The following KCTD16 variants were observed in gnomAD, a reference collection of about 807,000 sequenced individuals.
KCTD16 encodes the protein potassium channel tetramerization domain containing 16, also known as BTB/POZ domain-containing protein KCTD16.
A neutral mutation model predicts 33.2 loss-of-function variants in KCTD16; 13 were observed. That is an observed-to-expected ratio of 0.39 (90% CI 0.25 to 0.62). The LOEUF (loss-of-function observed/expected upper bound fraction) is 0.62, where lower values mean the gene tolerates loss of function less well. Ranked by LOEUF, KCTD16 falls within the 20% of genes least tolerant of loss-of-function variation. The pLI, the probability that KCTD16 is intolerant of heterozygous loss-of-function variation, is 0.50. For missense variants in KCTD16, 441 were observed against 525.1 expected, an observed-to-expected ratio of 0.84 and a Z score of 1.57; for synonymous variants, 197 against 195.3, an observed-to-expected ratio of 1.01 and a Z score of -0.07.
intron 3 of KCTD16, among the ~76,000 whole-genome samples, chr5:144,470,820 G>A (rs1473484619): frequency 1.3e-5 from 2 of 152,150 alleles, no homozygotes; most frequent in Non-Finnish European, 1.5e-5. Context: ...ACATAGTGAG[G>A]GCTTCATGCA....
At chr5:144,424,963 C>G (rs1561603540) in intron 3 of KCTD16, among the ~76,000 whole-genome samples, 1 of 152,146 alleles carries the variant, frequency 6.6e-6, no homozygotes, top group African/African-American at 2.4e-5. Context: ...ACAAATACAT[C>G]TATTGTATTC....
intron 2 of KCTD16, among the ~76,000 whole-genome samples, chr5:144,195,644 G>A (rs181496381): frequency 9.2e-5 from 14 of 152,216 alleles, no homozygotes; most frequent in South Asian, 4.2e-4. Context: ...GTGCTGCAAC[G>A]GACTTACATT....
chr5:144,425,175 A>G (rs1021583866), intron 3 of KCTD16, among the ~76,000 whole-genome samples: 1 of 152,184 alleles, frequency 6.6e-6, no homozygotes, highest in African/African-American at 2.4e-5. Flanking sequence ...CACACTCTCC[A>G]AAAGGGAGAA....
intron 3 of KCTD16, among the ~76,000 whole-genome samples, chr5:144,473,209 A>G (rs1385413300): frequency 2.0e-5 from 3 of 152,140 alleles, no homozygotes; most frequent in African/African-American, 4.8e-5. Flanking sequence ...GCTATGGAAA[A>G]TTGGCCAGCT....
At chr5:144,283,415 A>G (rs1460164849) in intron 3 of KCTD16, among the ~76,000 whole-genome samples, 2 of 152,210 alleles carry the variant, frequency 1.3e-5, no homozygotes, top group Non-Finnish European at 2.9e-5. Flanking sequence ...CTTAGTTGGA[A>G]TAATCATTTC....
In KCTD16 at chr5:144,247,572, A is replaced by C. The variant is rs556475938; in HGVS notation, c.832+40026A>C. On this transcript the variant is annotated intron_variant, in intron 3 of 3. Transcript: ENST00000512467. Reference sequence around the variant, plus strand: ...GCCCATAAAATCTGTGAATATGATAAAATAGTTGTTTGAAGCTGGTTGTGG... The same window carrying C: ...GCCCATAAAATCTGTGAATATGATACAATAGTTGTTTGAAGCTGGTTGTGG... Among the ~76,000 whole-genome samples the C allele has an allele frequency of 3.9e-5, 6 of 152,308 alleles. No homozygotes were observed. The East Asian group carries it at 1.2e-3, about 29-fold the overall frequency.
intron 3 of KCTD16, among the ~76,000 whole-genome samples, chr5:144,298,569 T>A (rs1449852230): frequency 2.6e-5 from 4 of 152,132 alleles, no homozygotes; most frequent in African/African-American, 9.7e-5. Context: ...ACTGTGCCTG[T>A]AAGGTAACTG....
intron 3 of KCTD16, among the ~76,000 whole-genome samples, chr5:144,438,200 A>G (rs1018761099): frequency 6.6e-6 from 1 of 152,212 alleles, no homozygotes; most frequent in African/African-American, 2.4e-5. Context: ...GCACTAGAGC[A>G]TTTGTATGAG....
intron 3 of KCTD16, among the ~76,000 whole-genome samples, chr5:144,451,331 CACCACAGAAGAGAT>C (rs1159158603): frequency 1.3e-5 from 2 of 152,060 alleles, no homozygotes; most frequent in Middle Eastern, 3.2e-3. Flanking sequence ...ATATAAGAGA[CACCACAGAAGAGAT>C]ACCACAGAAG....
intron 3 of KCTD16, among the ~76,000 whole-genome samples, chr5:144,301,134 G>A (rs539059850): frequency 2.0e-5 from 3 of 151,582 alleles, no homozygotes; most frequent in East Asian, 1.9e-4. Context: ...CCAGCTACTC[G>A]GGAAGCTGAG....
intron 3 of KCTD16, among the ~76,000 whole-genome samples, chr5:144,380,963 T>C (rs1258244994): frequency 6.6e-6 from 1 of 152,036 alleles, no homozygotes; most frequent in African/African-American, 2.4e-5. Context: ...AATAGACAAG[T>C]GAGACCCCAG....
chr5:144,436,941 A>G (rs1753593685), intron 3 of KCTD16, among the ~76,000 whole-genome samples: 1 of 152,166 alleles, frequency 6.6e-6, no homozygotes, highest in African/African-American at 2.4e-5. Flanking sequence ...TAAAATGACT[A>G]TAATAATATG....
chr5:144,177,566 T>G (rs1452874877), intron 2 of KCTD16, among the ~76,000 whole-genome samples: 1 of 152,198 alleles, frequency 6.6e-6, no homozygotes, highest in African/African-American at 2.4e-5. Flanking sequence ...TTGACATTCC[T>G]TAGCTTGTAG....
At chr5:144,294,087 A>G (rs1755970382) in intron 3 of KCTD16, among the ~76,000 whole-genome samples, 1 of 152,122 alleles carries the variant, frequency 6.6e-6, no homozygotes. Flanking sequence ...TGAATCTGGG[A>G]GGCAGAGGTT....
intron 3 of KCTD16, among the ~76,000 whole-genome samples, chr5:144,317,806 T>A (rs908790916): frequency 6.6e-6 from 1 of 152,200 alleles, no homozygotes; most frequent in Non-Finnish European, 1.5e-5. Context: ...CACTGACATG[T>A]ACGTTGTATT....
intron 1 of KCTD16, among the ~76,000 whole-genome samples, chr5:144,171,222 G>A (rs944473445): frequency 6.6e-6 from 1 of 152,134 alleles, no homozygotes; most frequent in Non-Finnish European, 1.5e-5. Flanking sequence ...ATATTCTTTA[G>A]TGTTCCATAA....
chr5:144,324,470 T>C (rs1457418884), intron 3 of KCTD16, among the ~76,000 whole-genome samples: 1 of 152,198 alleles, frequency 6.6e-6, no homozygotes, highest in Non-Finnish European at 1.5e-5. Flanking sequence ...GCTTTTATAC[T>C]GTTGATTGGA....
At chr5:144,229,786 T>C (rs1754043096) in intron 3 of KCTD16, among the ~76,000 whole-genome samples, 1 of 152,126 alleles carries the variant, frequency 6.6e-6, no homozygotes, top group South Asian at 2.1e-4. Context: ...TTTCAAATGT[T>C]TTGTGTCATT....
intron 3 of KCTD16, among the ~76,000 whole-genome samples, chr5:144,297,967 A>AC (rs968678973): frequency 6.6e-5 from 10 of 151,668 alleles, no homozygotes; most frequent in African/African-American, 1.9e-4. Context: ...GCCGTCACAG[A>AC]CCCCCCTTGA....
Sources: allele counts gnomAD v4.1 joint callset (sites outside exome capture counted in the v4.1 genomes callset), GRCh38; gene constraint gnomAD v4.1.1; transcripts MANE v1.5; gene names NCBI Gene and HGNC (gene_info 2026-07-23, HGNC 2026-07-21).